CSMD1: variants seen among roughly 807,000 people sequenced by gnomAD.
CSMD1 encodes the protein CUB and Sushi multiple domains 1, also known as CUB and sushi domain-containing protein 1.
A neutral mutation model predicts 417.5 loss-of-function variants in CSMD1; 213 were observed. That is an observed-to-expected ratio of 0.51 (90% CI 0.46 to 0.57). The LOEUF is 0.57. Among genes scored for constraint, CSMD1 ranks in the 20% least tolerant of loss-of-function variants. The probability of loss-of-function intolerance (pLI) is 0.00; values close to 1 mark genes in which losing one functional copy is unlikely to be tolerated. For missense variants in CSMD1, 6,923 were observed against 4,529.7 expected (o/e 1.53, Z -15.17); for synonymous variants, 2,862 against 1,736.8 (o/e 1.65, Z -16.11).
intron 3 of CSMD1, among the ~76,000 whole-genome samples, chr8:4,199,167 C>A (rs893915230): frequency 1.3e-5 from 2 of 152,234 alleles, no homozygotes; most frequent in South Asian, 2.1e-4. Context: ...CAGCACAGCA[C>A]TGGGGATGAT....
At chr8:4,175,133 G>T (rs892704468) in intron 3 of CSMD1, among the ~76,000 whole-genome samples, 2 of 151,978 alleles carry the variant, frequency 1.3e-5, no homozygotes, top group Admixed American at 1.3e-4. Flanking sequence ...GAGGAATAGT[G>T]TAAGACCTCG....
At chr8:3,188,088 G>GTATA (rs35871841) in intron 35 of CSMD1, 123 bp from the exon 36 acceptor site, 50 of 275,326 alleles carry the variant, frequency 1.8e-4, no homozygotes, top group Admixed American at 4.1e-4. Context: ...ATATGTATAT[G>GTATA]TATATATATA....
In CSMD1 at chr8:2,935,550, A is replaced by G. The variant is rs1186200309; in HGVS notation, c.*3035T>C. ...ATCAGCTAGAGATGGTACATTTTAC[A>G]TTATTGGGAAAATTACAGTTCTGTA... On this transcript the variant is annotated 3_prime_UTR_variant, in exon 70 of 70. Transcript: ENST00000635120. 6.6e-6 allele frequency: 1 copy of G among 152,188 alleles called. No individual in the cohort carries two copies. The highest frequency in any genetic ancestry group is 1.5e-5 in the Non-Finnish European group (1 of 68,040). The allele number at this position is 152,188 out of a possible 1,614,324, so 9.4% of individuals were successfully genotyped here.
chr8:3,497,496 C>G (rs781079875), intron 10 of CSMD1, among the ~76,000 whole-genome samples: 47 of 152,098 alleles, frequency 3.1e-4, no homozygotes, highest in Non-Finnish European at 2.8e-4. Flanking sequence ...AACCTGTCTC[C>G]TGGGTTTAAG....
chr8:3,471,890 A>G (rs1817125982), intron 11 of CSMD1, among the ~76,000 whole-genome samples: 1 of 152,184 alleles, frequency 6.6e-6, no homozygotes, highest in African/African-American at 2.4e-5. Context: ...TTTTCCCTAC[A>G]TGTTAATACA....
At chr8:3,892,520 G>A (rs185118169) in intron 5 of CSMD1, among the ~76,000 whole-genome samples, 135 of 123,682 alleles carry the variant, frequency 1.1e-3, no homozygotes, top group African/African-American at 4.1e-3. Flanking sequence ...TCCTATGTTA[G>A]AGGAATTTTG....
intron 5 of CSMD1, among the ~76,000 whole-genome samples, chr8:3,859,431 C>A (rs1202574562): frequency 6.6e-6 from 1 of 152,156 alleles, no homozygotes; most frequent in Non-Finnish European, 1.5e-5. Flanking sequence ...AAGAATTTGG[C>A]TCCAACCTCA....
intron 5 of CSMD1, among the ~76,000 whole-genome samples, chr8:3,846,416 T>A (rs114602217): frequency 1.7e-3 from 266 of 152,292 alleles, no homozygotes; most frequent in African/African-American, 6.2e-3. Context: ...TATGTAAGTT[T>A]TGATTAGCCC....
At chr8:4,383,086 A>G (rs117979403) in intron 3 of CSMD1, among the ~76,000 whole-genome samples, 2,468 of 152,282 alleles carry the variant, frequency 0.016, 26 homozygotes, top group Non-Finnish European at 0.027. Flanking sequence ...ATGATTAAGC[A>G]ATGCTATCAT....
intron 3 of CSMD1, among the ~76,000 whole-genome samples, chr8:4,216,896 A>G (rs537113597): frequency 2.6e-4 from 39 of 152,236 alleles, no homozygotes; most frequent in Non-Finnish European, 4.7e-4. Context: ...TTTCTTGCCC[A>G]GTTTTGATTT....
chr8:4,846,050 C>G (rs998769629), intron 1 of CSMD1, among the ~76,000 whole-genome samples: 1 of 152,132 alleles, frequency 6.6e-6, no homozygotes, highest in Non-Finnish European at 1.5e-5. Context: ...GCACTTTTGC[C>G]AATCCCGGTT....
chr8:4,536,342 T>C (rs1012310619), intron 2 of CSMD1, among the ~76,000 whole-genome samples: 13 of 152,302 alleles, frequency 8.5e-5, no homozygotes, highest in African/African-American at 2.9e-4. Context: ...CCATTTCCTG[T>C]GTGTAATATT....
chr8:4,441,310 A>C (rs1486602194), intron 2 of CSMD1, among the ~76,000 whole-genome samples: 1 of 124,464 alleles, frequency 8.0e-6, no homozygotes, highest in Admixed American at 9.9e-5. Flanking sequence ...GGGAGGTCTC[A>C]CTCTGCCCCC....
chr8:4,137,352 T>A (rs984698387), intron 3 of CSMD1, among the ~76,000 whole-genome samples: 2 of 134,430 alleles, frequency 1.5e-5, no homozygotes, highest in Non-Finnish European at 3.5e-5. Flanking sequence ...ACATGTTGAA[T>A]AGAGAATGCA....
chr8:2,984,961 A>C (rs1253273546), intron 54 of CSMD1, among the ~76,000 whole-genome samples: 1 of 152,254 alleles, frequency 6.6e-6, no homozygotes, highest in African/African-American at 2.4e-5. Context: ...AATGTTTTAA[A>C]GTATAACTTC....
At chr8:3,178,463 A>T (rs1821078804) in intron 37 of CSMD1, among the ~76,000 whole-genome samples, 1 of 152,026 alleles carries the variant, frequency 6.6e-6, no homozygotes, top group South Asian at 2.1e-4. Context: ...AGCCATCTAT[A>T]CGTCACCTTC....
At chr8:4,830,805 G>A (rs1277663248) in intron 1 of CSMD1, among the ~76,000 whole-genome samples, 1 of 152,166 alleles carries the variant, frequency 6.6e-6, no homozygotes, top group African/African-American at 2.4e-5. Context: ...CTACTGTGAG[G>A]TTAATGTGGA....
chr8:3,179,467 A>T lies in CSMD1; in HGVS notation c.5725+1643T>A, dbSNP rs182264924. 3.2e-3 allele frequency among the ~76,000 whole-genome samples: 494 copies of T among 152,344 alleles called. 5 individuals carry two copies. Among genetic ancestry groups the T allele is most frequent in the African/African-American group, 0.011 (473 of 41,584 alleles). ...TTCTCAAAGTTCATCTGAATGAGAA[A>T]TATGTTAGTCTCTCTTTTTTAATGA... On this transcript the variant is annotated intron_variant, in intron 37 of 69. Transcript: ENST00000635120.
intron 3 of CSMD1, among the ~76,000 whole-genome samples, chr8:4,167,009 A>C (rs866480821): frequency 2.6e-5 from 4 of 152,310 alleles, no homozygotes; most frequent in South Asian, 4.1e-4. Context: ...GGTGTTTGTG[A>C]AATCTTTTTG....
Sources: allele counts gnomAD v4.1 joint callset (sites outside exome capture counted in the v4.1 genomes callset), GRCh38; gene constraint gnomAD v4.1.1; transcripts MANE v1.5; gene names NCBI Gene and HGNC (gene_info 2026-07-23, HGNC 2026-07-21).